INTS2: variants seen among roughly 807,000 people sequenced by gnomAD.
INTS2 encodes integrator complex subunit 2.
In INTS2, 57 loss-of-function variants were observed where a neutral mutation model predicts 139.6. That is an observed-to-expected ratio of 0.41 (90% confidence interval 0.33 to 0.51). The LOEUF is 0.51. Ranked by LOEUF, INTS2 falls within the 20% of genes least tolerant of loss-of-function variation. INTS2 has a pLI of 0.28. For missense variants in INTS2, 1,196 were observed against 1,436.7 expected, an observed-to-expected ratio of 0.83 and a Z score of 2.71; for synonymous variants, 473 against 493.4, an observed-to-expected ratio of 0.96 and a Z score of 0.55.
Position 61,868,075 on chromosome 17 carries a change from T to C in INTS2, c.3245-66A>G. ...TAAATTCAACACAGCTTACACAACATACTAAGGGGAACTATGCTCTGTGCT... is the reference window on the plus strand; with the variant it reads ...TAAATTCAACACAGCTTACACAACACACTAAGGGGAACTATGCTCTGTGCT... On this transcript the variant is annotated intron_variant, in intron 23 of 24. Transcript: ENST00000251334. The surrounding 1 kb of genome is among the most constrained non-coding windows in gnomAD (Gnocchi z 4.7). 7.8e-7 allele frequency: 1 copy of C among 1,284,606 alleles called. No individual in the cohort carries two copies. 79.6% of individuals were successfully genotyped at this position (1,284,606 alleles called of 1,614,324 possible). A position where few individuals can be genotyped will look rare whatever the true frequency, so the allele number is the denominator to read the frequency against.
rs1281099561 is a variant in INTS2, at chr17:61,909,414, T to C, written c.955-1780A>G. On this transcript the variant is annotated intron_variant, in intron 7 of 24. Coordinates refer to ENST00000251334, the MANE Select transcript of INTS2 (RefSeq NM_001351695.2). This position sits in a 1 kb window ranked among gnomAD's most constrained non-coding sequence, Gnocchi z 4.9. ...GTAAGCCACCCCACCCAGCCCTTAC[T>C]TCTTATTTTTATAGATTTAGGGGGT... 6.6e-6 allele frequency among the ~76,000 whole-genome samples: 1 copy of C among 152,206 alleles called. No individual in the cohort carries two copies. Among genetic ancestry groups the C allele is most frequent in the African/African-American group, 2.4e-5 (1 of 41,466 alleles).
intron 3 of INTS2, among the ~76,000 whole-genome samples, chr17:61,922,086 A>T (rs548327213): frequency 6.6e-6 from 1 of 152,210 alleles, no homozygotes; most frequent in Non-Finnish European, 1.5e-5. Flanking sequence ...GAATTAAAGG[A>T]TAAGGCAAGC....
chr17:61,897,356 C>G lies in INTS2; in HGVS notation c.1494+113G>C. Reference sequence around the variant, plus strand: ...ATTTTTCTAAGCGCTCTTGATAAAACTTCTATTAAACAATTAAAATTACTT... The same window carrying G: ...ATTTTTCTAAGCGCTCTTGATAAAAGTTCTATTAAACAATTAAAATTACTT... On this transcript the variant is annotated intron_variant, in intron 11 of 24. Coordinates refer to ENST00000251334, the MANE Select transcript of INTS2 (RefSeq NM_001351695.2). This position sits in a 1 kb window ranked among gnomAD's most constrained non-coding sequence, Gnocchi z 4.4. 1 of 628,950 alleles carries G rather than the reference C, an allele frequency of 1.6e-6. No individual in the cohort carries two copies. Among genetic ancestry groups the G allele is most frequent in the Non-Finnish European group, 2.6e-6 (1 of 377,586 alleles). The allele number at this position is 628,950 out of a possible 1,614,324, so 39.0% of individuals were successfully genotyped here.
chr17:61,900,236 C>G (rs2079391095), intron 9 of INTS2, among the ~76,000 whole-genome samples: 1 of 152,194 alleles, frequency 6.6e-6, no homozygotes, highest in Admixed American at 6.5e-5. Flanking sequence ...GCTCAGGCTA[C>G]TCCAGGCAGT....
At chr17:61,892,663 G>A (rs2079306971) in intron 13 of INTS2, among the ~76,000 whole-genome samples, 1 of 151,920 alleles carries the variant, frequency 6.6e-6, no homozygotes, top group African/African-American at 2.4e-5. Flanking sequence ...CCAGGTATGA[G>A]GCCAGGCACG....
chr17:61,922,084 G>A (rs2079647315), intron 3 of INTS2, among the ~76,000 whole-genome samples: 1 of 152,100 alleles, frequency 6.6e-6, no homozygotes, highest in African/African-American at 2.4e-5. Flanking sequence ...TGGAATTAAA[G>A]GATAAGGCAA....
intron 8 of INTS2, among the ~76,000 whole-genome samples, chr17:61,905,419 T>A (rs770904867): frequency 6.6e-6 from 1 of 152,154 alleles, no homozygotes; most frequent in Non-Finnish European, 1.5e-5. Context: ...CTCTACCTCC[T>A]AAGTTCAAGC....
At chr17:61,907,662 A>G (rs140204380) in intron 7 of INTS2, 28 bp from the exon 8 acceptor site, 17 of 1,532,820 alleles carry the variant, frequency 1.1e-5, no homozygotes, top group Non-Finnish European at 9.7e-6. Context: ...CACAAAAGGA[A>G]GAAAGCATGA....
chr17:61,917,965 T>C (rs574099524), intron 5 of INTS2, among the ~76,000 whole-genome samples: 19 of 152,170 alleles, frequency 1.2e-4, no homozygotes, highest in Non-Finnish European at 2.5e-4. Flanking sequence ...ATCATAAAGA[T>C]ATAATCATCC....
At position 61,927,829 on chromosome 17, in the gene INTS2, A is replaced by C; in HGVS notation, c.-194T>G. 1 of 1,612,790 alleles carries C rather than the reference A, an allele frequency of 6.2e-7. No individual in the cohort carries two copies. Among genetic ancestry groups the C allele is most frequent in the Non-Finnish European group, 8.5e-7 (1 of 1,179,200 alleles). On this transcript the variant is annotated 5_prime_UTR_variant, in exon 1 of 25. Transcript: ENST00000251334. ...ACCAAGAACTCAGACGCCGGGACCA[A>C]CCGGGTTGTCGATACAAAGTGGGAA...
chr17:61,878,931 CAAAAAA>C (rs35652350), intron 17 of INTS2, among the ~76,000 whole-genome samples: 8 of 46,654 alleles, frequency 1.7e-4, no homozygotes, highest in African/African-American at 5.2e-4. Context: ...ACCCTGTCTC[CAAAAAA>C]AAAAAAAAAA....
In INTS2 at chr17:61,871,108, ATTTAT is replaced by A. The variant is rs2079084835; in HGVS notation, c.2779-1125_2779-1121del. Among the ~76,000 whole-genome samples the A allele has an allele frequency of 6.6e-6, 1 of 151,980 alleles. No homozygotes were observed. Among genetic ancestry groups the A allele is most frequent in the Admixed American group, 6.6e-5 (1 of 15,248 alleles). ...TCCTAGGAACAGATTTATTTTATTGATTTATTTTATTGATTTTTGTTGTTGTTGTT... is the reference window on the plus strand; with the variant it reads ...TCCTAGGAACAGATTTATTTTATTGATTTATTGATTTTTGTTGTTGTTGTT... On this transcript the variant is annotated intron_variant, in intron 20 of 24. Coordinates refer to ENST00000251334, the MANE Select transcript of INTS2 (RefSeq NM_001351695.2). This position sits in a 1 kb window ranked among gnomAD's most constrained non-coding sequence, Gnocchi z 4.9.
intron 9 of INTS2, among the ~76,000 whole-genome samples, chr17:61,902,894 C>T (rs553278882): frequency 7.9e-4 from 116 of 146,506 alleles, no homozygotes; most frequent in Non-Finnish European, 1.4e-3. Flanking sequence ...AGGCTGGGCA[C>T]GGTGGCTCAC....
rs1286362212 is a variant in INTS2, at chr17:61,893,466, C to A, written c.1698+299G>T. ...ATCCCAGCACTTTGGTCGGTTGAGA[C>A]AGGCATATCACTTGAGGTCAGGAGT... On this transcript the variant is annotated intron_variant, in intron 13 of 24. Coordinates refer to ENST00000251334, the MANE Select transcript of INTS2 (RefSeq NM_001351695.2). The surrounding 1 kb of genome is among the most constrained non-coding windows in gnomAD (Gnocchi z 5.4). 6.6e-6 allele frequency among the ~76,000 whole-genome samples: 1 copy of A among 152,104 alleles called. No individual in the cohort carries two copies. Among genetic ancestry groups the A allele is most frequent in the Non-Finnish European group, 1.5e-5 (1 of 68,026 alleles).
In INTS2 at chr17:61,882,807, A is replaced by G. The variant is rs1567893947; in HGVS notation, c.2090-1636T>C. 6.6e-6 allele frequency among the ~76,000 whole-genome samples: 1 copy of G among 152,256 alleles called. No homozygotes were observed. The highest frequency in any genetic ancestry group is 1.5e-5 in the Non-Finnish European group (1 of 68,040). On this transcript the variant is annotated intron_variant, in intron 16 of 24. Transcript: ENST00000251334. The surrounding 1 kb of genome is among the most constrained non-coding windows in gnomAD (Gnocchi z 4.7). ...TACTACTATGCTAAGTGCTTCACAC[A>G]TAAGTACCTAATAAATATTGTTGCT...
intron 15 of INTS2, among the ~76,000 whole-genome samples, chr17:61,889,441 G>A (rs991710571): frequency 1.1e-4 from 17 of 151,982 alleles, no homozygotes; most frequent in Non-Finnish European, 7.4e-5. Flanking sequence ...AAGGAAGACC[G>A]GTCAAAGACT....
At chr17:61,923,960 T>C (rs2079680738) in intron 3 of INTS2, among the ~76,000 whole-genome samples, 1 of 152,200 alleles carries the variant, frequency 6.6e-6, no homozygotes, top group African/African-American at 2.4e-5. Context: ...GCTAATTTAG[T>C]TATTTATATG....
At chr17:61,885,122 C>T (rs927761738) in intron 15 of INTS2, 117 bp from the exon 16 acceptor site, 11 of 662,720 alleles carry the variant, frequency 1.7e-5, no homozygotes, top group South Asian at 7.4e-5. Flanking sequence ...AATTAACCTG[C>T]GAATATAGCA....
chr17:61,926,402 G>C lies in INTS2; in HGVS notation c.243C>G (p.Ser81=), dbSNP rs529664994. The change falls in exon 2 of 25, where the codon TCC becomes TCG. Residue 81 remains serine, a synonymous_variant. Coordinates refer to ENST00000251334, the MANE Select transcript of INTS2 (RefSeq NM_001351695.2). ...CTTGTTCTAAAGCATGAAAGTCCACGGACAACAATGCAACAATGGAGTTGA... is the reference window on the plus strand; with the variant it reads ...CTTGTTCTAAAGCATGAAAGTCCACCGACAACAATGCAACAATGGAGTTGA... ...EAVNSIVALL[S]VDFHALEQDA... 6.2e-6 allele frequency: 10 copies of C among 1,612,076 alleles called. No homozygotes were observed. The Admixed American group carries it at 1.2e-4, about 19-fold the overall frequency.
Sources: allele counts gnomAD v4.1 joint callset (sites outside exome capture counted in the v4.1 genomes callset), GRCh38; gene constraint gnomAD v4.1.1; non-coding constraint Gnocchi (gnomAD v3.1); transcripts MANE v1.5; gene names NCBI Gene and HGNC (gene_info 2026-07-23, HGNC 2026-07-21).